Variants in SNHG17 observed in about 807,000 individuals in gnomAD.
SNHG17 encodes small nucleolar RNA host gene 17 (non-protein coding).
chr20:38,424,739 G>A (rs1009983377), intron 5 of SNHG17, among the ~76,000 whole-genome samples: 6 of 152,072 alleles, frequency 3.9e-5, no homozygotes, highest in Admixed American at 6.6e-5. Context: ...GAGAGCTTCT[G>A]GGGGGAGCTC....
At chr20:38,424,131 C>T (rs1170951901) in intron 5 of SNHG17, among the ~76,000 whole-genome samples, 1 of 150,880 alleles carries the variant, frequency 6.6e-6, no homozygotes, top group African/African-American at 2.4e-5. Context: ...GTTTGCACCA[C>T]TGCACTCCAG....
At chr20:38,426,188 A>G (rs2084245901) in intron 4 of SNHG17, 2 of 152,356 alleles carry the variant, frequency 1.3e-5, no homozygotes. Context: ...AACTATGCCA[A>G]TCCACACTAG....
intron 3 of SNHG17, chr20:38,428,215 C>T (rs1472259860): frequency 6.6e-6 from 1 of 152,252 alleles, no homozygotes; most frequent in Non-Finnish European, 1.5e-5. Context: ...GCCCCCAGCG[C>T]TCGCCCCAGG....
intron 3 of SNHG17, chr20:38,429,592 C>A: frequency 2.4e-6 from 1 of 416,318 alleles, no homozygotes; most frequent in Non-Finnish European, 4.7e-6. Flanking sequence ...CTGCCCTGGG[C>A]CAGGGAGAAG....
At chr20:38,431,893 C>T in intron 2 of SNHG17, 2 of 519,948 alleles carry the variant, frequency 3.8e-6, no homozygotes, top group Non-Finnish European at 4.9e-6. Flanking sequence ...CACAAAGACA[C>T]TCTTACCTCA....
chr20:38,424,169 CA>C lies in SNHG17; in HGVS notation n.579+1765del, dbSNP rs397955763. ...TGGGCAACAGAGCAAGACTGGGTCTCAAAAAAAAAAAAATTAAAAAAAAAAG... is the reference window on the plus strand; with the variant it reads ...TGGGCAACAGAGCAAGACTGGGTCTCAAAAAAAAAAAATTAAAAAAAAAAG... On this transcript the variant is annotated intron_variant and non_coding_transcript_variant, in intron 5 of 8. Transcript: ENST00000654008. Among the ~76,000 whole-genome samples, 506 of 110,974 alleles carry C rather than the reference CA, an allele frequency of 4.6e-3. 7 individuals carry two copies. In the East Asian group the frequency reaches 0.051, roughly 11 times the overall value. The allele number at this position is 110,974 out of a possible 152,430, so 72.8% of individuals were successfully genotyped here.
rs1220112309 is a variant in SNHG17, at chr20:38,426,472, T to TG, written n.411dup. Reference sequence around the variant, plus strand: ...TTGAAGACACGTCACCTGGGGCCACTGGGCACACAGGACAGAGGTCAGCTG... The same window carrying TG: ...TTGAAGACACGTCACCTGGGGCCACTGGGGCACACAGGACAGAGGTCAGCTG... On this transcript the variant is annotated non_coding_transcript_exon_variant, in exon 4 of 9. Coordinates refer to ENST00000654008, the Ensembl canonical transcript of SNHG17. The TG allele has an allele frequency of 3.4e-4, 47 of 139,764 alleles. 2 individuals carry two copies. The Admixed American group carries it at 3.4e-3, about 10-fold the overall frequency. 8.7% of individuals were successfully genotyped at this position (139,764 alleles called of 1,614,324 possible). A position where few individuals can be genotyped will look rare whatever the true frequency, so the allele number is the denominator to read the frequency against.
chr20:38,429,850 T>A, intron 3 of SNHG17: 1 of 510,374 alleles, frequency 2.0e-6, no homozygotes, highest in South Asian at 1.4e-5. Flanking sequence ...AATGCTGGCA[T>A]TCCGGGCAAT....
At chr20:38,425,902 T>C (rs1756719578) in intron 5 of SNHG17, 5 of 152,254 alleles carry the variant, frequency 3.3e-5, no homozygotes, top group Admixed American at 2.0e-4. Flanking sequence ...TACAAAAAAT[T>C]TCTAAAAATT....
At chr20:38,423,925 T>C (rs2084201308) in intron 5 of SNHG17, among the ~76,000 whole-genome samples, 1 of 152,176 alleles carries the variant, frequency 6.6e-6, no homozygotes, top group South Asian at 2.1e-4. Flanking sequence ...CCCAGCACTT[T>C]GGGAGGCTGT....
chr20:38,425,694 G>A (rs2084234830), intron 5 of SNHG17, among the ~76,000 whole-genome samples: 1 of 152,176 alleles, frequency 6.6e-6, no homozygotes, highest in Admixed American at 6.5e-5. Flanking sequence ...ATAAGAGAAT[G>A]AGATGGAAGA....
chr20:38,424,547 T>C lies in SNHG17; in HGVS notation n.579+1388A>G, dbSNP rs555307006. Among the ~76,000 whole-genome samples the C allele has an allele frequency of 1.0e-3, 152 of 152,282 alleles. 1 individual carries two copies. The highest frequency in any genetic ancestry group is 1.6e-3 in the Admixed American group (25 of 15,252). On this transcript the variant is annotated intron_variant and non_coding_transcript_variant, in intron 5 of 8. Transcript: ENST00000654008. ...GATAAGCCTTGTCACCTTACAACAATGTGTCTTCTCATTTACTGTTTGTCC... is the reference window on the plus strand; with the variant it reads ...GATAAGCCTTGTCACCTTACAACAACGTGTCTTCTCATTTACTGTTTGTCC...
intron 1 of SNHG17, chr20:38,434,724 T>C: frequency 1.9e-6 from 1 of 523,898 alleles, no homozygotes; most frequent in African/African-American, 2.0e-5. Context: ...CGTCTTCCAT[T>C]TAAACCACAG....
chr20:38,433,850 A>G (rs1257595935), intron 2 of SNHG17: 1 of 519,230 alleles, frequency 1.9e-6, no homozygotes, highest in Non-Finnish European at 3.8e-6. Context: ...CATTTGAAAG[A>G]TGGTGAGAAG....
In SNHG17 at chr20:38,431,763, G is replaced by A. The variant is rs541626756; in HGVS notation, n.309-651C>T. The stretch of plus-strand genomic sequence containing the variant: ...TTGATGCCAAAGCCCTCCAGCTTTT[G>A]AGTCAGATATTCCAAGACACAACAA... On this transcript the variant is annotated intron_variant and non_coding_transcript_variant, in intron 2 of 8. Transcript: ENST00000654008. 2.0e-5 allele frequency among the ~76,000 whole-genome samples: 3 copies of A among 152,272 alleles called. No homozygotes were observed. The East Asian group carries it at 5.8e-4, about 29-fold the overall frequency.
intron 4 of SNHG17, chr20:38,426,180 C>CT (rs2084245701): frequency 6.6e-6 from 1 of 152,304 alleles, no homozygotes; most frequent in South Asian, 2.1e-4. Context: ...CTTCAACAAA[C>CT]TATGCCAATC....
At position 38,435,314 on chromosome 20, in the gene SNHG17, G is replaced by A. The variant is rs115669024; in HGVS notation, n.68C>T. The A allele has an allele frequency of 5.9e-4, 732 of 1,231,368 alleles. 4 individuals are homozygous for A. The African/African-American group carries it at 9.7e-3, about 16-fold the overall frequency. The allele number at this position is 1,231,368 out of a possible 1,614,324, so 76.3% of individuals were successfully genotyped here. ...GCGTGCGATGGCGAAGGACGGCGAG[G>A]GACGGCGAAGGACTGAGGCCACACG... On this transcript the variant is annotated non_coding_transcript_exon_variant, in exon 1 of 9. Coordinates refer to ENST00000654008, the Ensembl canonical transcript of SNHG17.
At chr20:38,430,358 A>G (rs896986768) in intron 3 of SNHG17, among the ~76,000 whole-genome samples, 2 of 152,094 alleles carry the variant, frequency 1.3e-5, no homozygotes, top group Admixed American at 1.3e-4. Context: ...GGCCGGGCAC[A>G]GTGGCTCACA....
intron 5 of SNHG17, among the ~76,000 whole-genome samples, chr20:38,424,334 T>A (rs2084209209): frequency 6.6e-6 from 1 of 151,996 alleles, no homozygotes; most frequent in Non-Finnish European, 1.5e-5. Flanking sequence ...GCTGCATTCA[T>A]ACATCTGACT....
Sources: allele counts gnomAD v4.1 joint callset (sites outside exome capture counted in the v4.1 genomes callset), GRCh38; gene constraint gnomAD v4.1.1; transcripts MANE v1.5; gene names NCBI Gene and HGNC (gene_info 2026-07-23, HGNC 2026-07-21).